The following SIK3 variants were observed in gnomAD, a reference collection of about 807,000 sequenced individuals.
SIK3 encodes SIK family kinase 3.
A neutral mutation model predicts 144.2 loss-of-function variants in SIK3; 28 were observed. That is an observed-to-expected ratio of 0.19 (90% CI 0.14 to 0.27). The LOEUF (loss-of-function observed/expected upper bound fraction) is 0.27, where lower values mean the gene tolerates loss of function less well. Among genes scored for constraint, SIK3 ranks in the 10% least tolerant of loss-of-function variants. The pLI, the probability that SIK3 is intolerant of heterozygous loss-of-function variation, is 1.00. For synonymous variants in SIK3, 686 were observed against 676.3 expected (o/e 1.01, Z -0.22); for missense variants, 1,319 against 1,776.0 (o/e 0.74, Z 4.62).
Position 116,897,008 on chromosome 11 carries a change from C to T in SIK3, c.741+185G>A, listed in dbSNP as rs532917900. On this transcript the variant is annotated intron_variant, in intron 5 of 24. Coordinates refer to ENST00000445177, the MANE Select transcript of SIK3 (RefSeq NM_001366686.3). ...TCCTGCTGCTCTCCAGCCTGGGCGACAGAGTGAGACTCTGTTTCAAAAAAA... is the reference window on the plus strand; with the variant it reads ...TCCTGCTGCTCTCCAGCCTGGGCGATAGAGTGAGACTCTGTTTCAAAAAAA... Among the ~76,000 whole-genome samples the T allele has an allele frequency of 1.2e-3, 147 of 126,996 alleles. No homozygotes were observed. The Middle Eastern group carries it at 0.02, about 17-fold the overall frequency. The allele number at this position is 126,996 out of a possible 152,430, so 83.3% of individuals were successfully genotyped here.
rs139665409 is a variant in SIK3, at chr11:116,879,774, A to G, written c.866-2732T>C. On this transcript the variant is annotated intron_variant, in intron 6 of 24. Transcript: ENST00000445177. ...CAGTGTACATCTCAAAGACTTCTAC[A>G]TTCCTATAGAATAAAGTAAATGCCA... is the stretch of plus-strand genomic sequence containing the variant. 3.4e-4 allele frequency among the ~76,000 whole-genome samples: 52 copies of G among 152,350 alleles called. No homozygotes were observed. In the East Asian group the frequency reaches 7.9e-3, roughly 23 times the overall value.
At chr11:116,973,553 C>A (rs1440095711) in intron 1 of SIK3, among the ~76,000 whole-genome samples, 1 of 152,092 alleles carries the variant, frequency 6.6e-6, no homozygotes, top group Non-Finnish European at 1.5e-5. Flanking sequence ...AAAATGCTAT[C>A]AAAAGCATGT....
rs1321803705 is a variant in SIK3, at chr11:116,844,350, C to A, written c.*1293G>T. On this transcript the variant is annotated 3_prime_UTR_variant, in exon 25 of 25. Coordinates refer to ENST00000445177, the MANE Select transcript of SIK3 (RefSeq NM_001366686.3). ...GGTGCAAGTCACAATTCAAATAGAACAGAATCTGGTTAAACATTTCTCATT... is the reference window on the plus strand; with the variant it reads ...GGTGCAAGTCACAATTCAAATAGAAAAGAATCTGGTTAAACATTTCTCATT... 4.6e-5 allele frequency: 7 copies of A among 152,008 alleles called. No individual in the cohort carries two copies. 9.4% of individuals were successfully genotyped at this position (152,008 alleles called of 1,614,324 possible).
At chr11:116,986,975 G>C (rs905634116) in intron 1 of SIK3, among the ~76,000 whole-genome samples, 2 of 152,178 alleles carry the variant, frequency 1.3e-5, no homozygotes, top group Non-Finnish European at 2.9e-5. Flanking sequence ...AAGGGGAAAT[G>C]AGGAGTTGTT....
chr11:117,062,484 T>C (rs1354063567), intron 1 of SIK3, among the ~76,000 whole-genome samples: 1 of 152,138 alleles, frequency 6.6e-6, no homozygotes, highest in South Asian at 2.1e-4. Context: ...AGGCAAGAAA[T>C]TTAACAACAT....
intron 1 of SIK3, among the ~76,000 whole-genome samples, chr11:117,084,275 G>A (rs1438320643): frequency 6.6e-6 from 1 of 151,982 alleles, no homozygotes; most frequent in Admixed American, 6.6e-5. Context: ...TTTGTGGTTG[G>A]TTTGTTTGAG....
At chr11:117,057,767 T>C (rs1365478999) in intron 1 of SIK3, among the ~76,000 whole-genome samples, 1 of 152,176 alleles carries the variant, frequency 6.6e-6, no homozygotes, top group East Asian at 1.9e-4. Flanking sequence ...GACTTAACAT[T>C]CCTCACTTCA....
In SIK3 at chr11:116,873,831, G is replaced by A. The variant is rs545796515; in HGVS notation, c.1581+72C>T. Reference sequence around the variant, plus strand: ...AGTAAACCCTTAAGTCCTAGGGAAGGTGCCTCATAGCCTCTCAAAGGAAGC... The same window carrying A: ...AGTAAACCCTTAAGTCCTAGGGAAGATGCCTCATAGCCTCTCAAAGGAAGC... On this transcript the variant is annotated intron_variant, in intron 12 of 24. Coordinates refer to ENST00000445177, the MANE Select transcript of SIK3 (RefSeq NM_001366686.3). The A allele has an allele frequency of 1.8e-5, 27 of 1,538,456 alleles. No individual in the cohort carries two copies. In the South Asian group the frequency reaches 3.0e-4, roughly 17 times the overall value.
chr11:117,079,284 G>T (rs929519354), intron 1 of SIK3, among the ~76,000 whole-genome samples: 4 of 152,190 alleles, frequency 2.6e-5, no homozygotes, highest in African/African-American at 7.2e-5. Flanking sequence ...TTAGAATTCA[G>T]AAATGTACCT....
intron 21 of SIK3, chr11:116,855,167 T>A (rs1942804695): frequency 6.6e-6 from 1 of 150,864 alleles, no homozygotes; most frequent in African/African-American, 2.5e-5. Flanking sequence ...AAAACCTCTG[T>A]CCTTAGCTTC....
chr11:117,087,031 T>A (rs1042005465), intron 1 of SIK3, among the ~76,000 whole-genome samples: 2 of 150,928 alleles, frequency 1.3e-5, no homozygotes, highest in Non-Finnish European at 2.9e-5. Flanking sequence ...GTTTGGGTGA[T>A]CAAGAGTCTG....
At chr11:116,859,062 G>A (rs1943155940) in intron 20 of SIK3, among the ~76,000 whole-genome samples, 1 of 152,164 alleles carries the variant, frequency 6.6e-6, no homozygotes, top group Admixed American at 6.5e-5. Context: ...TTCCACCTCA[G>A]TCTCATTAGA....
intron 4 of SIK3, among the ~76,000 whole-genome samples, chr11:116,901,785 C>G (rs1453909025): frequency 6.6e-6 from 1 of 152,156 alleles, no homozygotes; most frequent in Non-Finnish European, 1.5e-5. Flanking sequence ...ATGAACAAAA[C>G]TGCATTTAAT....
chr11:116,972,329 A>ATGGTAATGAGTTGTTAAATATAAACAGAG (rs1949793268), intron 1 of SIK3, among the ~76,000 whole-genome samples: 8 of 152,192 alleles, frequency 5.3e-5, no homozygotes, highest in Non-Finnish European at 2.9e-5. Flanking sequence ...AGTAGATTTT[A>ATGGTAATGAGTTGTTAAATATAAACAGAG]TGGTAATGAG....
At chr11:117,041,233 A>T (rs1952730630) in intron 1 of SIK3, among the ~76,000 whole-genome samples, 1 of 152,148 alleles carries the variant, frequency 6.6e-6, no homozygotes, top group African/African-American at 2.4e-5. Flanking sequence ...ATGGGGAAAA[A>T]AATAGCAAAG....
At position 116,857,934 on chromosome 11, in the gene SIK3, A is replaced by G. The variant is rs771801212; in HGVS notation, c.3531T>C (p.Ser1177=). The part of the protein sequence containing the change: ...KGCHDSPLLL[S]TGGPGDPESL... ...ATTCAGGGTCCCCAGGTCCACCGGT[A>G]CTCAAGAGCAGAGGGCTGTCATGGC... is the stretch of plus-strand genomic sequence containing the variant. The change falls in exon 21 of 25, where the codon AGT becomes AGC. Residue 1177 remains serine, a synonymous_variant. Coordinates refer to ENST00000445177, the MANE Select transcript of SIK3 (RefSeq NM_001366686.3). 16 of 1,614,106 alleles carry G rather than the reference A, an allele frequency of 9.9e-6. No individual in the cohort carries two copies. The highest frequency in any genetic ancestry group is 1.7e-5 in the Admixed American group (1 of 60,008).
rs1368894367 is a variant in SIK3, at chr11:116,957,362, G to A, written c.274-298C>T. ...TTTATTACTCCATAGATGTCGTTAC[G>A]GTCTGGGTCAAATCATGTTTCAGTG... On this transcript the variant is annotated intron_variant, in intron 1 of 24. Coordinates refer to ENST00000445177, the MANE Select transcript of SIK3 (RefSeq NM_001366686.3). Among the ~76,000 whole-genome samples the A allele has an allele frequency of 8.5e-5, 13 of 152,184 alleles. No individual in the cohort carries two copies. In the South Asian group the frequency reaches 2.5e-3, roughly 29 times the overall value.
At chr11:117,078,646 G>T (rs574174772) in intron 1 of SIK3, among the ~76,000 whole-genome samples, 1 of 151,878 alleles carries the variant, frequency 6.6e-6, no homozygotes, top group South Asian at 2.1e-4. Context: ...CAGGCAATCC[G>T]CCCGCCTTGG....
At chr11:117,036,050 ATGTTCTCG>A in intron 1 of SIK3, 1 of 1,226,826 alleles carries the variant, frequency 8.2e-7, no homozygotes, top group Admixed American at 2.1e-5. Flanking sequence ...TGCAAGAGGC[ATGTTCTCG>A]TGTGGGTAGG....
Sources: gnomAD v4.1 joint callset for allele counts (sites outside exome capture counted in the v4.1 genomes callset) on GRCh38, gnomAD v4.1.1 for gene constraint, MANE v1.5 for transcripts, NCBI Gene and HGNC (gene_info 2026-07-23, HGNC 2026-07-21) for gene names.